The following UGT2B11 variants were observed in gnomAD, a reference collection of about 807,000 sequenced individuals.
The protein encoded by UGT2B11 is UDP-glucuronosyltransferase 2B11.
Under a neutral mutation model 51.7 loss-of-function variants are expected in UGT2B11, and 49 were observed. The ratio of observed to expected loss-of-function variants is 0.95; its 90% confidence interval spans 0.75 to 1.20. The LOEUF (loss-of-function observed/expected upper bound fraction) is 1.20. Among genes scored for constraint, UGT2B11 ranks in the 50% most tolerant of loss-of-function variants. The probability of loss-of-function intolerance (pLI) is 0.00; values close to 1 mark genes in which losing one functional copy is unlikely to be tolerated. For synonymous variants in UGT2B11, 273 were observed against 209.0 expected (o/e 1.31, Z -2.64); for missense variants, 810 against 622.1 (o/e 1.30, Z -3.21).
the UGT2B11 span, among the ~76,000 whole-genome samples, chr4:69,219,888 C>G: frequency 1.3e-5 from 2 of 152,120 alleles, no homozygotes; most frequent in Admixed American, 6.6e-5. Context: ...TTCCAAATAT[C>G]AGGTCCTCAC....
rs956391965 is a variant in UGT2B11 at position 69,200,558 on chromosome 4, A to G, written c.1472T>C (p.Leu491Ser). ...GGCCAGCAGAAACCCAATCACATCC[A>G]AAGAGTGGTACTGGAACCAGGTGAG... ...HDLTWFQYHS[L>S]DVIGFLLACV... Residue 491 changes from leucine (L) to serine (S), a missense_variant, in exon 6 of 6, where the codon TTG (leucine) becomes TCG (serine). By Grantham distance (145) the Leu-to-Ser change is moderately radical. Transcript: ENST00000446444. 1 of 1,612,414 alleles carries G rather than the reference A, an allele frequency of 6.2e-7. No homozygotes were observed. Among genetic ancestry groups the G allele is most frequent in the African/African-American group, 1.3e-5 (1 of 74,874 alleles).
At chr4:69,222,409 T>C in the UGT2B11 span, among the ~76,000 whole-genome samples, 2 of 152,196 alleles carry the variant, frequency 1.3e-5, no homozygotes, top group Non-Finnish European at 2.9e-5. Context: ...CACAGGCTTT[T>C]TCCTGGTCTT....
chr4:69,205,986 C>A (rs1222949253), intron 3 of UGT2B11, among the ~76,000 whole-genome samples: 2 of 151,358 alleles, frequency 1.3e-5, no homozygotes, highest in African/African-American at 4.8e-5. Context: ...ATGATGTTGG[C>A]GAGGTTGTAT....
At chr4:69,217,485 T>A (rs1722303471), upstream of UGT2B11, among the ~76,000 whole-genome samples, 1 of 152,140 alleles carries the variant, frequency 6.6e-6, no homozygotes, top group Admixed American at 6.6e-5. Context: ...ATTTTCCCTT[T>A]GGGAATATAC....
chr4:69,221,690 C>T, the UGT2B11 span, among the ~76,000 whole-genome samples: 62 of 152,340 alleles, frequency 4.1e-4, no homozygotes, highest in Admixed American at 6.5e-4. Context: ...TCCTAAGATT[C>T]CTCGGATAGA....
chr4:69,215,232 A>G (rs543582861), upstream of UGT2B11: 1 of 152,682 alleles, frequency 6.5e-6, no homozygotes, highest in African/African-American at 2.4e-5. Flanking sequence ...AATCAGTTTT[A>G]TCTAAAAAAA....
At chr4:69,224,878 G>C in the UGT2B11 span, among the ~76,000 whole-genome samples, 1 of 152,108 alleles carries the variant, frequency 6.6e-6, no homozygotes, top group Non-Finnish European at 1.5e-5. Context: ...TCTTTAAGGC[G>C]GGAAATACAT....
At chr4:69,208,021 A>G (rs1288369735) in intron 3 of UGT2B11, among the ~76,000 whole-genome samples, 1 of 151,684 alleles carries the variant, frequency 6.6e-6, no homozygotes, top group South Asian at 2.1e-4. Context: ...AGTTAATTTC[A>G]GCAGTATGTA....
At chr4:69,212,799 A>T (rs1722122534) in intron 1 of UGT2B11, 78 bp from the exon 2 acceptor site, 11 of 1,479,660 alleles carry the variant, frequency 7.4e-6, no homozygotes, top group Non-Finnish European at 9.8e-6. Context: ...AGGTTAGAAC[A>T]ATGTAAGCAA....
rs139879604 is a variant in UGT2B11 at position 69,202,366 on chromosome 4, T to G, written c.1311-1647A>C. On this transcript the variant is annotated intron_variant, in intron 5 of 5. Coordinates refer to ENST00000446444, the MANE Select transcript of UGT2B11 (RefSeq NM_001073.3). ...TTCTTGACTGTAAATTTTTTTGAAGTGTATTTTGTTAATTTCCAAAATTTA... is the reference window on the plus strand; with the variant it reads ...TTCTTGACTGTAAATTTTTTTGAAGGGTATTTTGTTAATTTCCAAAATTTA... Among the ~76,000 whole-genome samples the G allele has an allele frequency of 7.1e-3, 1,071 of 151,862 alleles. 12 individuals are homozygous for G. Among genetic ancestry groups the G allele is most frequent in the African/African-American group, 0.024 (990 of 41,524 alleles).
At chr4:69,214,803 A>G, upstream of UGT2B11, 1 of 1,531,798 alleles carries the variant, frequency 6.5e-7, no homozygotes. Context: ...TCAAGTTAAA[A>G]TATAACTCCT....
upstream of UGT2B11, among the ~76,000 whole-genome samples, chr4:69,219,549 A>G (rs1274256146): frequency 6.6e-6 from 1 of 152,126 alleles, no homozygotes; most frequent in East Asian, 1.9e-4. Context: ...GAGACTGGGT[A>G]ATTTAAAAGG....
At chr4:69,220,217 G>A in the UGT2B11 span, among the ~76,000 whole-genome samples, 1 of 151,896 alleles carries the variant, frequency 6.6e-6, no homozygotes, top group Admixed American at 6.6e-5. Context: ...TCAAATACAG[G>A]TCACACTGAT....
At chr4:69,202,140 T>C (rs1284726632) in intron 5 of UGT2B11, among the ~76,000 whole-genome samples, 2 of 151,808 alleles carry the variant, frequency 1.3e-5, no homozygotes, top group African/African-American at 4.8e-5. Flanking sequence ...TAGCATTCCA[T>C]TGATTGATAA....
In UGT2B11 at chr4:69,208,480, T is replaced by G; in HGVS notation, c.873A>C (p.Glu291Asp). 1.2e-6 allele frequency: 2 copies of G among 1,606,324 alleles called. No individual in the cohort carries two copies. The highest frequency in any genetic ancestry group is 1.7e-6 in the Non-Finnish European group (2 of 1,177,040). The stretch of plus-strand genomic sequence containing the variant: ...CAGAGCTCTGTACAAACTCCTCCAT[T>G]TCCTGTGAAAAAAAAATTGTTTCAT... Reference protein sequence around the residue: ...HCKPAKPLPKEMEEFVQSSGE... With the variant: ...HCKPAKPLPKDMEEFVQSSGE... The change falls in exon 3 of 6, where the codon GAA becomes GAC. Residue 291 changes from glutamate (E) to aspartate (D), a missense_variant and splice_region_variant. Coordinates refer to ENST00000446444, the MANE Select transcript of UGT2B11 (RefSeq NM_001073.3).
At position 69,208,428 on chromosome 4, in the gene UGT2B11, G is replaced by C. The variant is rs763711444; in HGVS notation, c.925C>G (p.Leu309Val). ...GTCATGTTACTTATCACTGACCCCA[G>C]AGAAAACACCACAACACCATTTTCT... is the stretch of plus-strand genomic sequence containing the variant. Reference protein sequence around the residue: ...SGENGVVVFSLGSVISNMTAE... With the variant: ...SGENGVVVFSVGSVISNMTAE... The change falls in exon 3 of 6, where the codon CTG becomes GTG. Residue 309 changes from leucine (L) to valine (V), a missense_variant. Coordinates refer to ENST00000446444, the MANE Select transcript of UGT2B11 (RefSeq NM_001073.3). The C allele has an allele frequency of 6.2e-7, 1 of 1,610,118 alleles. No individual in the cohort carries two copies. The highest frequency in any genetic ancestry group is 1.7e-5 in the Admixed American group (1 of 59,802).
At chr4:69,218,974 A>G (rs1002702751), upstream of UGT2B11, among the ~76,000 whole-genome samples, 3 of 152,080 alleles carry the variant, frequency 2.0e-5, no homozygotes, top group South Asian at 2.1e-4. Flanking sequence ...GGAGCTGTCT[A>G]CTATTCCTTT....
Position 69,214,705 on chromosome 4 carries a change from A to T in UGT2B11, c.18T>A (p.Thr6=). ...TGAGATGTATCAGCAGAAGAACTGA[A>T]GTCCATTTCAGAGTCATCCTGGTGC... MTLKW[T]SVLLLIHLSC... is the part of the protein sequence containing the mutation. Residue 6 remains threonine (T), a synonymous_variant, in exon 1 of 6, where the codon ACT becomes ACA. Transcript: ENST00000446444. 1 of 1,612,508 alleles carries T rather than the reference A, an allele frequency of 6.2e-7. No homozygotes were observed. Among genetic ancestry groups the T allele is most frequent in the African/African-American group, 1.3e-5 (1 of 74,956 alleles).
the UGT2B11 span, among the ~76,000 whole-genome samples, chr4:69,223,041 G>A: frequency 6.6e-6 from 1 of 152,008 alleles, no homozygotes; most frequent in Non-Finnish European, 1.5e-5. Context: ...TGTCACGAAG[G>A]GCAAAGAAAG....
Sources: allele counts gnomAD v4.1 joint callset (sites outside exome capture counted in the v4.1 genomes callset), GRCh38; gene constraint gnomAD v4.1.1; transcripts MANE v1.5; gene names NCBI Gene and HGNC (gene_info 2026-07-23, HGNC 2026-07-21).